The following HAVCR1 variants were observed in gnomAD, a reference collection of about 807,000 sequenced individuals.
The protein encoded by HAVCR1 is T cell immunoglobin domain and mucin domain protein 1.
In HAVCR1, 34 loss-of-function variants were observed where a neutral mutation model predicts 32.0. The ratio of observed to expected loss-of-function variants is 1.06; its 90% CI spans 0.81 to 1.42. HAVCR1 has a LOEUF of 1.42. Among genes scored for constraint, HAVCR1 ranks in the 40% most tolerant of loss-of-function variants. HAVCR1 has a pLI of 0.00. For missense variants in HAVCR1, 420 were observed against 442.3 expected (o/e 0.95, Z 0.45); for synonymous variants, 178 against 170.3 (o/e 1.05, Z -0.35).
In HAVCR1 at chr5:157,036,200, C is replaced by T. The variant is rs965300216; in HGVS notation, c.952+1047G>A. Among the ~76,000 whole-genome samples, 4 of 152,270 alleles carry T rather than the reference C, an allele frequency of 2.6e-5. No individual in the cohort carries two copies. In the East Asian group the frequency reaches 7.7e-4, roughly 29 times the overall value. ...TCTACTAAAAATACAAAAATTCGGCCGGGCGTGGTGGCTCATGCCTGTAAT... is the reference window on the plus strand; with the variant it reads ...TCTACTAAAAATACAAAAATTCGGCTGGGCGTGGTGGCTCATGCCTGTAAT... On this transcript the variant is annotated intron_variant, in intron 7 of 8. Transcript: ENST00000523175.
chr5:157,042,569 G>T, intron 6 of HAVCR1, 58 bp downstream of exon 6: 3 of 1,002,954 alleles, frequency 3.0e-6, no homozygotes, highest in East Asian at 2.5e-5. Context: ...AATGTAACTT[G>T]CTTCCAAGGA....
chr5:157,065,010 G>C, the HAVCR1 span, among the ~76,000 whole-genome samples: 3 of 152,198 alleles, frequency 2.0e-5, no homozygotes, highest in South Asian at 2.1e-4. Flanking sequence ...CTGAGCTAAA[G>C]ATACAGTTAC....
chr5:157,044,649 G>GAAAGAAAGAAAGAAAGAAAGAA lies in HAVCR1; in HGVS notation c.782-1989_782-1968dup, dbSNP rs1581702301. Among the ~76,000 whole-genome samples the GAAAGAAAGAAAGAAAGAAAGAA allele has an allele frequency of 6.0e-5, 7 of 117,570 alleles. 1 individual carries two copies. The highest frequency in any genetic ancestry group is 3.2e-4 in the East Asian group (1 of 3,104). The allele number at this position is 117,570 out of a possible 152,430, so 77.1% of individuals were successfully genotyped here. ...AGAAAGAAAGAAAGAAAGAAAGAAA[G>GAAAGAAAGAAAGAAAGAAAGAA]AAAGAAAGAAAGAAAGAAAGAAAGA... On this transcript the variant is annotated intron_variant, in intron 5 of 8. Transcript: ENST00000523175.
Position 157,052,376 on chromosome 5 carries a change from G to A in HAVCR1, c.658C>T (p.Gln220Ter). 6.2e-7 allele frequency: 1 copy of A among 1,614,120 alleles called. No individual in the cohort carries two copies. The highest frequency in any genetic ancestry group is 8.5e-7 in the Non-Finnish European group (1 of 1,179,952). The change falls in exon 4 of 9, where the codon CAG becomes TAG. Residue 220 changes from glutamine to a stop codon, truncating the protein, a stop_gained. Transcript: ENST00000523175. LOFTEE classifies it high-confidence loss of function. Reference sequence around the variant, plus strand: ...TCTGTTTTACCTGGTTCATGGTTCTGCCTGGGCAAAGGCATTGGAGGAACA... The same window carrying A: ...TCTGTTTTACCTGGTTCATGGTTCTACCTGGGCAAAGGCATTGGAGGAACA... ...TFVPPMPLPR[Q>*]NHEPVATSPS...
intron 3 of HAVCR1, among the ~76,000 whole-genome samples, 164 bp downstream of exon 3, chr5:157,055,037 C>A (rs1756027359): frequency 6.6e-6 from 1 of 151,926 alleles, no homozygotes; most frequent in South Asian, 2.1e-4. Flanking sequence ...TTATGCTTGG[C>A]CTTGTAACTT....
At chr5:157,049,258 T>G in intron 4 of HAVCR1, 113 bp from the exon 5 acceptor site, 399 of 660,540 alleles carry the variant, frequency 6.0e-4, no homozygotes, top group Non-Finnish European at 7.4e-4. Flanking sequence ...CCATGGGCCC[T>G]TCTCCTGGCC....
Position 157,052,594 on chromosome 5 carries a change from C to A in HAVCR1, c.440G>T (p.Ser147Ile). ...TVPTVTTVRT[S>I]TTVPTTTTVP... ...AGTCGTTGTCGTTGGAACAGTGGTG[C>A]TCGTTCGAACAGTCGTGACGGTTGG... Residue 147 changes from serine to isoleucine, a missense_variant, in exon 4 of 9, where the codon AGC (serine) becomes ATC (isoleucine). Physicochemically the swap from Ser to Ile is moderately radical, Grantham distance 142. Transcript: ENST00000523175. The A allele has an allele frequency of 6.2e-7, 1 of 1,612,046 alleles. No homozygotes were observed.
At chr5:157,055,845 A>G (rs1351620774) in intron 2 of HAVCR1, among the ~76,000 whole-genome samples, 3 of 150,250 alleles carry the variant, frequency 2.0e-5, no homozygotes, top group African/African-American at 7.3e-5. Flanking sequence ...AGCCTGGGTG[A>G]CAGAGCAGAC....
At chr5:157,030,785 G>A (rs1754127123) in intron 8 of HAVCR1, among the ~76,000 whole-genome samples, 1 of 152,134 alleles carries the variant, frequency 6.6e-6, no homozygotes, top group Admixed American at 6.5e-5. Context: ...ACCAAAGCCT[G>A]CCCCCAAAAT....
chr5:157,040,715 C>T (rs540769189), intron 6 of HAVCR1, among the ~76,000 whole-genome samples: 8 of 152,200 alleles, frequency 5.3e-5, no homozygotes, highest in Middle Eastern at 6.8e-3. Flanking sequence ...GCATGGCCAA[C>T]GTGGTGAAAT....
chr5:157,057,753 T>C, intron 2 of HAVCR1, 145 bp downstream of exon 2: 1 of 657,846 alleles, frequency 1.5e-6, no homozygotes, highest in Non-Finnish European at 2.8e-6. Context: ...TCCTGCTCAC[T>C]AGTTAACTCA....
chr5:157,055,583 T>G (rs780516591), intron 2 of HAVCR1, 50 bp from the exon 3 acceptor site: 1 of 1,195,544 alleles, frequency 8.4e-7, no homozygotes, highest in Non-Finnish European at 1.2e-6. Flanking sequence ...TATTTCATCT[T>G]GGCTGGGCAC....
chr5:157,030,334 A>C (rs1380872883), intron 8 of HAVCR1, among the ~76,000 whole-genome samples: 1 of 152,218 alleles, frequency 6.6e-6, no homozygotes, highest in Non-Finnish European at 1.5e-5. Flanking sequence ...ATAGTTAAAT[A>C]GTACTGTTTC....
intron 5 of HAVCR1, among the ~76,000 whole-genome samples, chr5:157,045,601 A>G (rs774252550): frequency 4.6e-5 from 7 of 151,930 alleles, no homozygotes; most frequent in Admixed American, 3.3e-4. Context: ...CGCCTCCTCA[A>G]TCTGGCAATA....
chr5:157,044,402 AAGGAAGGAAGGAAGGAAG>A, intron 5 of HAVCR1, among the ~76,000 whole-genome samples: 1 of 39,436 alleles, frequency 2.5e-5, no homozygotes, highest in East Asian at 1.9e-3. Flanking sequence ...GGAAGGAAGG[AAGGAAGGAAGGAAGGAAG>A]GAGAAAGAAA....
chr5:157,030,472 C>T (rs1036084237), intron 8 of HAVCR1, among the ~76,000 whole-genome samples: 46 of 152,192 alleles, frequency 3.0e-4, no homozygotes, highest in Middle Eastern at 3.4e-3. Context: ...AGCAACATAG[C>T]GAGACCCCGT....
intron 2 of HAVCR1, among the ~76,000 whole-genome samples, chr5:157,057,591 GTC>G (rs1756290814): frequency 6.6e-6 from 1 of 152,010 alleles, no homozygotes; most frequent in Non-Finnish European, 1.5e-5. Flanking sequence ...ATATACATGT[GTC>G]TATGCATATA....
intron 7 of HAVCR1, among the ~76,000 whole-genome samples, chr5:157,034,709 C>T (rs1388542812): frequency 1.3e-5 from 2 of 152,034 alleles, no homozygotes; most frequent in African/African-American, 2.4e-5. Flanking sequence ...TGCATTTTGT[C>T]CCTGGGTACT....
chr5:157,037,732 A>G (rs921498580), intron 6 of HAVCR1, among the ~76,000 whole-genome samples: 3 of 152,200 alleles, frequency 2.0e-5, no homozygotes, highest in African/African-American at 7.2e-5. Context: ...GATATTAAAA[A>G]AGAAAAAATG....
Sources: gnomAD v4.1 joint callset for allele counts (sites outside exome capture counted in the v4.1 genomes callset) on GRCh38, gnomAD v4.1.1 for gene constraint, MANE v1.5 for transcripts, NCBI Gene and HGNC (gene_info 2026-07-23, HGNC 2026-07-21) for gene names.